Variants in SANBR observed in about 807,000 individuals in gnomAD.
The protein encoded by SANBR is SANT and BTB domain regulator of class switch recombination.
In SANBR, 77 loss-of-function variants were observed where a neutral mutation model predicts 101.8. The observed-to-expected ratio is 0.76, with a 90% CI of 0.63 to 0.91. The LOEUF (loss-of-function observed/expected upper bound fraction) is 0.91. Among genes scored for constraint, SANBR ranks in the 40% least tolerant of loss-of-function variants. The pLI, the probability that SANBR is intolerant of heterozygous loss-of-function variation, is 0.00. For synonymous variants in SANBR, 279 were observed against 274.7 expected (o/e 1.02, Z -0.15); for missense variants, 875 against 853.0 (o/e 1.03, Z -0.32).
At chr2:61,085,089 A>G (rs1381954526) in intron 8 of SANBR, among the ~76,000 whole-genome samples, 1 of 152,194 alleles carries the variant, frequency 6.6e-6, no homozygotes, top group African/African-American at 2.4e-5. Context: ...TGGACATTCA[A>G]GTGGGATGGC....
At chr2:61,088,518 T>TAG in intron 10 of SANBR, 50 bp downstream of exon 10, 1 of 1,087,538 alleles carries the variant, frequency 9.2e-7, no homozygotes, top group Non-Finnish European at 1.3e-6. Flanking sequence ...TATATATATA[T>TAG]AGTTGTTGTT....
Position 61,109,225 on chromosome 2 carries a change from A to G in SANBR, c.1673A>G (p.Glu558Gly), listed in dbSNP as rs773651157. ...CAACAGTCACTGTTTTCAGAAGAAG[A>G]AGAATATACCACTGGATCTGAGGTC... ...LKQQSLFSEE[E>G]EYTTGSEVTE... The change falls in exon 16 of 22, where the codon GAA becomes GGA. Residue 558 changes from glutamate to glycine, a missense_variant. Physicochemically the swap from Glu to Gly is moderately conservative, Grantham distance 98. Coordinates refer to ENST00000402291, the MANE Select transcript of SANBR (RefSeq NM_001129993.3). The G allele has an allele frequency of 1.3e-6, 2 of 1,537,492 alleles. No homozygotes were observed. Among genetic ancestry groups the G allele is most frequent in the Non-Finnish European group, 1.8e-6 (2 of 1,139,814 alleles).
rs1238867746 is a variant in SANBR at position 61,070,401 on chromosome 2, A to C, written c.51A>C (p.Gln17His). 6.3e-7 allele frequency: 1 copy of C among 1,599,540 alleles called. No individual in the cohort carries two copies. Among genetic ancestry groups the C allele is most frequent in the Non-Finnish European group, 8.5e-7 (1 of 1,174,362 alleles). The change falls in exon 3 of 22, where the codon CAA (glutamine) becomes CAC (histidine). Residue 17 changes from glutamine (Q) to histidine (H), a missense_variant. Coordinates refer to ENST00000402291, the MANE Select transcript of SANBR (RefSeq NM_001129993.3). Reference sequence around the variant, plus strand: ...ACAATTTCCTGAACAATAATAACCAAATGGTATTGGACATGATCCTTTATC... The same window carrying C: ...ACAATTTCCTGAACAATAATAACCACATGGTATTGGACATGATCCTTTATC... Reference protein sequence around the residue: ...ENNNFLNNNNQMVLDMILYPL... With the variant: ...ENNNFLNNNNHMVLDMILYPL...
intron 12 of SANBR, among the ~76,000 whole-genome samples, chr2:61,101,460 G>A (rs188043441): frequency 3.2e-4 from 49 of 152,286 alleles, no homozygotes; most frequent in Non-Finnish European, 5.4e-4. Flanking sequence ...TTGGCTGGGC[G>A]CTGTGGCTCA....
At chr2:61,112,111 T>C (rs1683857286) in intron 16 of SANBR, among the ~76,000 whole-genome samples, 1 of 152,232 alleles carries the variant, frequency 6.6e-6, no homozygotes, top group Non-Finnish European at 1.5e-5. Context: ...TTTCACTTTA[T>C]AAGAAACTGC....
chr2:61,117,108 C>G (rs1173277055), intron 17 of SANBR: 1 of 488,120 alleles, frequency 2.0e-6, no homozygotes, highest in Non-Finnish European at 3.6e-6. Flanking sequence ...ACAAATGAAG[C>G]TGGATTCAAA....
chr2:61,123,508 T>C lies in SANBR; in HGVS notation c.*1346T>C. The C allele has an allele frequency of 2.1e-6, 2 of 972,004 alleles. No homozygotes were observed. Among genetic ancestry groups the C allele is most frequent in the Non-Finnish European group, 2.4e-6 (2 of 817,658 alleles). 60.2% of individuals were successfully genotyped at this position (972,004 alleles called of 1,614,324 possible). A position where few individuals can be genotyped will look rare whatever the true frequency, so the allele number is the denominator to read the frequency against. On this transcript the variant is annotated 3_prime_UTR_variant, in exon 22 of 22. Coordinates refer to ENST00000402291, the MANE Select transcript of SANBR (RefSeq NM_001129993.3). ...TATATTTGTTTCAATTGTTTGATAC[T>C]GTGGAAATAGACTTTTATTTTCGAA... is the stretch of plus-strand genomic sequence containing the variant.
chr2:61,118,417 A>G (rs1304993314), intron 20 of SANBR, among the ~76,000 whole-genome samples: 2 of 143,052 alleles, frequency 1.4e-5, no homozygotes, highest in East Asian at 4.2e-4. Context: ...ATTTTTTTGT[A>G]TTTAGTAGAG....
chr2:61,084,998 A>G (rs140326442), intron 8 of SANBR, among the ~76,000 whole-genome samples: 1 of 152,242 alleles, frequency 6.6e-6, no homozygotes, highest in East Asian at 1.9e-4. Flanking sequence ...TGGAGAAAGG[A>G]AAGATTGGGA....
At chr2:61,098,245 A>G (rs1380070063) in intron 12 of SANBR, among the ~76,000 whole-genome samples, 1 of 151,624 alleles carries the variant, frequency 6.6e-6, no homozygotes, top group African/African-American at 2.4e-5. Flanking sequence ...CTGGGACTAC[A>G]GGCACACGCC....
At chr2:61,124,311 T>G, downstream of SANBR, 1 of 927,184 alleles carries the variant, frequency 1.1e-6, no homozygotes, top group Non-Finnish European at 1.3e-6. Context: ...ATCTGAATTA[T>G]TCCATCTTCT....
chr2:61,078,503 C>T (rs1478813054), intron 6 of SANBR, among the ~76,000 whole-genome samples: 1 of 152,010 alleles, frequency 6.6e-6, no homozygotes, highest in Non-Finnish European at 1.5e-5. Context: ...CTCACTGCAA[C>T]CTCTGCCTCC....
intron 8 of SANBR, among the ~76,000 whole-genome samples, chr2:61,085,010 A>G (rs1273427570): frequency 2.0e-5 from 3 of 152,136 alleles, no homozygotes; most frequent in African/African-American, 4.8e-5. Flanking sequence ...AGATTGGGAG[A>G]GGAAGGAATA....
At position 61,068,914 on chromosome 2, in the gene SANBR, C is replaced by A. The variant is rs907558749; in HGVS notation, c.-81C>A. On this transcript the variant is annotated 5_prime_UTR_variant, in exon 2 of 22. Coordinates refer to ENST00000402291, the MANE Select transcript of SANBR (RefSeq NM_001129993.3). The stretch of plus-strand genomic sequence containing the variant: ...GATAATGCCATAAGTAGTAGAACTG[C>A]GATGCAAACTTGGACAGTCTGACTC... 1 of 152,290 alleles carries A rather than the reference C, an allele frequency of 6.6e-6. No individual in the cohort carries two copies. Among genetic ancestry groups the A allele is most frequent in the South Asian group, 2.1e-4 (1 of 4,836 alleles). 9.4% of individuals were successfully genotyped at this position (152,290 alleles called of 1,614,324 possible).
chr2:61,095,441 A>T (rs568485736), intron 11 of SANBR, among the ~76,000 whole-genome samples: 3 of 152,318 alleles, frequency 2.0e-5, no homozygotes, highest in East Asian at 1.9e-4. Flanking sequence ...ACAACCAAAA[A>T]TTCTGAATTA....
chr2:61,106,163 G>A (rs1462924071), intron 13 of SANBR, among the ~76,000 whole-genome samples: 1 of 151,928 alleles, frequency 6.6e-6, no homozygotes, highest in African/African-American at 2.4e-5. Context: ...GAGCCAAGGC[G>A]GGTGGATCAC....
chr2:61,070,023 T>C (rs558841048), intron 2 of SANBR, among the ~76,000 whole-genome samples: 2 of 152,170 alleles, frequency 1.3e-5, no homozygotes, highest in Non-Finnish European at 2.9e-5. Flanking sequence ...CTTGTAAAAA[T>C]TACTTAACAA....
chr2:61,084,886 T>A (rs1406717780), intron 8 of SANBR, among the ~76,000 whole-genome samples: 1 of 152,044 alleles, frequency 6.6e-6, no homozygotes, highest in Non-Finnish European at 1.5e-5. Context: ...GTTGTTAGAT[T>A]TGACAGATTT....
At chr2:61,078,665 GC>G (rs1282735515) in intron 6 of SANBR, among the ~76,000 whole-genome samples, 1 of 151,936 alleles carries the variant, frequency 6.6e-6, no homozygotes, top group Non-Finnish European at 1.5e-5. Context: ...CAGGTGATCT[GC>G]CCGCCTCAGC....
Sources: gnomAD v4.1 joint callset for allele counts (sites outside exome capture counted in the v4.1 genomes callset) on GRCh38, gnomAD v4.1.1 for gene constraint, MANE v1.5 for transcripts, NCBI Gene and HGNC (gene_info 2026-07-23, HGNC 2026-07-21) for gene names.